ZNF251: variants seen among roughly 807,000 people sequenced by gnomAD.
ZNF251 encodes the protein zinc finger protein 251.
A neutral mutation model predicts 13.5 loss-of-function variants in ZNF251; 14 were observed. That is an observed-to-expected ratio of 1.04 (90% confidence interval 0.69 to 1.63). The LOEUF (loss-of-function observed/expected upper bound fraction) is 1.63. ZNF251 is among the 40% of genes most tolerant of loss of function. The pLI is 0.00. For synonymous variants in ZNF251, 287 were observed against 295.2 expected (o/e 0.97, Z 0.28); for missense variants, 764 against 834.9 (o/e 0.92, Z 1.05).
intron 4 of ZNF251, among the ~76,000 whole-genome samples, chr8:144,728,454 G>C (rs1823582954): frequency 1.3e-5 from 2 of 152,052 alleles, no homozygotes; most frequent in South Asian, 4.1e-4. Context: ...ACGAGGTCAG[G>C]AGATCGAGAC....
At chr8:144,727,053 G>GA (rs199598743) in intron 4 of ZNF251, among the ~76,000 whole-genome samples, 10 of 151,990 alleles carry the variant, frequency 6.6e-5, no homozygotes, top group African/African-American at 2.4e-4. Flanking sequence ...CCCTGTCTCT[G>GA]AAAAAAAATT....
At chr8:144,754,854 G>A in intron 1 of ZNF251, 51 bp from the exon 2 acceptor site, 3 of 1,485,280 alleles carry the variant, frequency 2.0e-6, no homozygotes, top group Non-Finnish European at 1.8e-6. Context: ...GGGTGTGGAA[G>A]GATGGCCAGG....
At chr8:144,747,408 G>A (rs549974520) in intron 4 of ZNF251, among the ~76,000 whole-genome samples, 1 of 152,304 alleles carries the variant, frequency 6.6e-6, no homozygotes, top group South Asian at 2.1e-4. Context: ...CATGAGCTTG[G>A]CAGGAATGTG....
In ZNF251 at chr8:144,754,745, G is replaced by C; in HGVS notation, c.-17C>G. Reference sequence around the variant, plus strand: ...GGCTGCCATTCTGTGTGCATGGGCTGCTGTGGTTTCCAAGAGAAGACAGGA... The same window carrying C: ...GGCTGCCATTCTGTGTGCATGGGCTCCTGTGGTTTCCAAGAGAAGACAGGA... On this transcript the variant is annotated 5_prime_UTR_variant, in exon 2 of 5. Coordinates refer to ENST00000292562, the MANE Select transcript of ZNF251 (RefSeq NM_138367.2). 6.2e-7 allele frequency: 1 copy of C among 1,611,626 alleles called. No individual in the cohort carries two copies. The highest frequency in any genetic ancestry group is 1.3e-5 in the African/African-American group (1 of 75,044).
At chr8:144,750,636 T>C (rs7015203) in intron 4 of ZNF251, among the ~76,000 whole-genome samples, 66,615 of 151,912 alleles carry the variant, frequency 0.44, 14,627 homozygotes, top group South Asian at 0.48. Context: ...CAGTACCTAA[T>C]AGAGCTCCTG....
At chr8:144,749,923 T>G (rs1824615554) in intron 4 of ZNF251, among the ~76,000 whole-genome samples, 1 of 150,746 alleles carries the variant, frequency 6.6e-6, no homozygotes, top group Non-Finnish European at 1.5e-5. Flanking sequence ...CTCGCTATGC[T>G]GCCTAGGCTG....
chr8:144,745,690 G>A (rs901236319), intron 4 of ZNF251, among the ~76,000 whole-genome samples: 4 of 151,976 alleles, frequency 2.6e-5, no homozygotes, highest in Non-Finnish European at 5.9e-5. Context: ...GGGAATATAG[G>A]CACATGCCAC....
intron 4 of ZNF251, among the ~76,000 whole-genome samples, chr8:144,746,974 T>G (rs1824458080): frequency 1.3e-5 from 2 of 152,154 alleles, no homozygotes; most frequent in Non-Finnish European, 2.9e-5. Context: ...GATTTCTGCT[T>G]GAATTTTTAT....
At chr8:144,743,977 A>C (rs1824289159) in intron 4 of ZNF251, among the ~76,000 whole-genome samples, 1 of 147,866 alleles carries the variant, frequency 6.8e-6, no homozygotes, top group African/African-American at 2.5e-5. Flanking sequence ...ATCTTCTCCC[A>C]ATCTATGGAC....
rs536660920 is a variant in ZNF251 at position 144,736,956 on chromosome 8, CCAT to C, written c.278-13577_278-13575del. ...TAGCTGGGATTACAGGCGCCCACCA[CCAT>C]GCCTGCTAATTTTTTTGTATTTTTA... is the stretch of plus-strand genomic sequence containing the variant. On this transcript the variant is annotated intron_variant, in intron 4 of 4. Coordinates refer to ENST00000292562, the MANE Select transcript of ZNF251 (RefSeq NM_138367.2). Among the ~76,000 whole-genome samples the C allele has an allele frequency of 2.3e-3, 347 of 152,054 alleles. 3 individuals are homozygous for C. The highest frequency in any genetic ancestry group is 7.9e-3 in the African/African-American group (327 of 41,462).
chr8:144,731,986 A>G (rs1303123479), intron 4 of ZNF251, among the ~76,000 whole-genome samples: 3 of 148,602 alleles, frequency 2.0e-5, no homozygotes, highest in South Asian at 4.2e-4. Flanking sequence ...TCCGTCACCC[A>G]GGCTGGAGTG....
chr8:144,743,208 C>A (rs1299956119), intron 4 of ZNF251, among the ~76,000 whole-genome samples: 5 of 152,174 alleles, frequency 3.3e-5, no homozygotes, highest in African/African-American at 7.2e-5. Context: ...GGATTACAGG[C>A]ACCAACCACC....
intron 4 of ZNF251, among the ~76,000 whole-genome samples, chr8:144,740,730 T>TC (rs1000798665): frequency 6.6e-6 from 1 of 151,714 alleles, no homozygotes; most frequent in African/African-American, 2.4e-5. Flanking sequence ...GCTCAGGAAT[T>TC]CGAGACCAGC....
chr8:144,722,370 T>G lies in ZNF251; in HGVS notation c.1290A>C (p.Glu430Asp). 6.2e-7 allele frequency: 1 copy of G among 1,613,910 alleles called. No individual in the cohort carries two copies. Among genetic ancestry groups the G allele is most frequent in the South Asian group, 1.1e-5 (1 of 91,058 alleles). The change falls in exon 5 of 5, where the codon GAA becomes GAC. Residue 430 changes from glutamate (E) to aspartate (D), a missense_variant. Coordinates refer to ENST00000292562, the MANE Select transcript of ZNF251 (RefSeq NM_138367.2). This position sits in a 1 kb window ranked among gnomAD's most constrained non-coding sequence, Gnocchi z 4.8. ...LTEHVRIHTG[E>D]KPYVCNECGK... ...CGCACTCATTACAAACATAGGGTTT[T>G]TCTCCTGTGTGAATCCTTACGTGTT...
At chr8:144,748,276 G>C (rs1824522636) in intron 4 of ZNF251, among the ~76,000 whole-genome samples, 1 of 151,806 alleles carries the variant, frequency 6.6e-6, no homozygotes, top group Non-Finnish European at 1.5e-5. Context: ...GTTTCATCAT[G>C]TTGGCCAGGC....
At chr8:144,727,473 G>A (rs547151218) in intron 4 of ZNF251, among the ~76,000 whole-genome samples, 12 of 152,284 alleles carry the variant, frequency 7.9e-5, no homozygotes, top group Admixed American at 2.0e-4. Context: ...TCTGGACAAC[G>A]TGCTGCAGCT....
Position 144,721,994 on chromosome 8 carries a change from G to A in ZNF251, c.1666C>T (p.Arg556Cys), listed in dbSNP as rs760670055. The A allele has an allele frequency of 1.9e-5, 30 of 1,582,154 alleles. No homozygotes were observed. The highest frequency in any genetic ancestry group is 4.0e-5 in the African/African-American group (3 of 74,114). Residue 556 changes from arginine to cysteine, a missense_variant, in exon 5 of 5, where the codon CGC becomes TGC. Coordinates refer to ENST00000292562, the MANE Select transcript of ZNF251 (RefSeq NM_138367.2). Reference sequence around the variant, plus strand: ...TTCTCACCAGTGTGAACTGTCCAGCGCAGAATGAGATTTGCACCATGGTTA... The same window carrying A: ...TTCTCACCAGTGTGAACTGTCCAGCACAGAATGAGATTTGCACCATGGTTA... ...AFNHGANLIL[R>C]WTVHTGEKSF...
chr8:144,752,830 T>C (rs1165606179), intron 4 of ZNF251, among the ~76,000 whole-genome samples: 2 of 151,904 alleles, frequency 1.3e-5, no homozygotes, highest in African/African-American at 4.8e-5. Flanking sequence ...AGAAACAATA[T>C]AACCAACAAA....
chr8:144,744,916 C>G (rs527402761), intron 4 of ZNF251, among the ~76,000 whole-genome samples: 1 of 152,098 alleles, frequency 6.6e-6, no homozygotes, highest in Non-Finnish European at 1.5e-5. Context: ...ACCAGCTGGG[C>G]GTGGTGGCGG....
Sources: allele counts gnomAD v4.1 joint callset (sites outside exome capture counted in the v4.1 genomes callset), GRCh38; gene constraint gnomAD v4.1.1; non-coding constraint Gnocchi (gnomAD v3.1); transcripts MANE v1.5; gene names NCBI Gene and HGNC (gene_info 2026-07-23, HGNC 2026-07-21).